Variants in COG3 observed in about 807,000 individuals in gnomAD.
COG3 encodes component of oligomeric golgi complex 3.
Under a neutral mutation model 114.1 loss-of-function variants are expected in COG3, and 32 were observed. The observed-to-expected ratio is 0.28, with a 90% CI of 0.21 to 0.38. The LOEUF is 0.38. Among genes scored for constraint, COG3 ranks in the 10% least tolerant of loss-of-function variants. The probability of loss-of-function intolerance (pLI) is 1.00; values close to 1 mark genes in which losing one functional copy is unlikely to be tolerated. For missense variants in COG3, 813 were observed against 973.2 expected, an observed-to-expected ratio of 0.84 and a Z score of 2.19; for synonymous variants, 352 against 365.7, an observed-to-expected ratio of 0.96 and a Z score of 0.43.
intron 13 of COG3, among the ~76,000 whole-genome samples, chr13:45,498,725 G>A (rs905740095): frequency 2.0e-5 from 3 of 147,178 alleles, no homozygotes; most frequent in Non-Finnish European, 4.5e-5. Context: ...CAGACTGTCT[G>A]GATTACAGTT....
chr13:45,514,618 CTTA>C (rs1233714679), intron 16 of COG3, among the ~76,000 whole-genome samples: 2 of 151,930 alleles, frequency 1.3e-5, no homozygotes, highest in Non-Finnish European at 2.9e-5. Context: ...TAGACACTAG[CTTA>C]TTATTTTCAT....
Position 45,471,727 on chromosome 13 carries a change from GT to G in COG3, c.175-4464del, listed in dbSNP as rs397953138. ...CTGGTAATGAATTCTCTCAGCTTTTGTTTTTTTTTTGGTCTTTTTTTTGAGA... is the reference window on the plus strand; with the variant it reads ...CTGGTAATGAATTCTCTCAGCTTTTGTTTTTTTTTGGTCTTTTTTTTGAGA... On this transcript the variant is annotated intron_variant, in intron 1 of 22. Coordinates refer to ENST00000349995, the MANE Select transcript of COG3 (RefSeq NM_031431.4). Among the ~76,000 whole-genome samples, 518 of 148,022 alleles carry G rather than the reference GT, an allele frequency of 3.5e-3. 5 individuals are homozygous for G. The highest frequency in any genetic ancestry group is 0.013 in the African/African-American group (506 of 40,432).
chr13:45,479,141 G>A (rs1264120293), intron 3 of COG3, 75 bp downstream of exon 3: 2 of 1,058,694 alleles, frequency 1.9e-6, no homozygotes, highest in Non-Finnish European at 2.8e-6. Flanking sequence ...CATAATCAGT[G>A]TCTTTAAATA....
At chr13:45,492,665 C>G (rs551408628) in intron 11 of COG3, among the ~76,000 whole-genome samples, 1 of 152,092 alleles carries the variant, frequency 6.6e-6, no homozygotes, top group Non-Finnish European at 1.5e-5. Context: ...TCTTTCAGAT[C>G]CACTGTTAGT....
intron 1 of COG3, among the ~76,000 whole-genome samples, chr13:45,470,258 A>G (rs1045043165): frequency 6.6e-6 from 1 of 152,200 alleles, no homozygotes; most frequent in African/African-American, 2.4e-5. Context: ...GAAACTAGTA[A>G]CATTGATAGC....
In COG3 at chr13:45,499,666, A is replaced by G. The variant is rs569119565; in HGVS notation, c.1488+3354A>G. Among the ~76,000 whole-genome samples, 132 of 152,310 alleles carry G rather than the reference A, an allele frequency of 8.7e-4. 1 individual carries two copies. Among genetic ancestry groups the G allele is most frequent in the African/African-American group, 3.1e-3 (128 of 41,568 alleles). On this transcript the variant is annotated intron_variant, in intron 13 of 22. Transcript: ENST00000349995. ...CTTAATGCTGGTAGTCATATGAGAG[A>G]CAGTGGCTGTTGTAATTTATTTAAC... is the stretch of plus-strand genomic sequence containing the variant.
intron 13 of COG3, among the ~76,000 whole-genome samples, chr13:45,500,557 G>A (rs1054665667): frequency 2.0e-5 from 3 of 152,270 alleles, no homozygotes; most frequent in East Asian, 3.9e-4. Flanking sequence ...AGTAGACTTT[G>A]TATTGTAAGA....
chr13:45,520,291 A>AT (rs1566270198), intron 19 of COG3, among the ~76,000 whole-genome samples: 2 of 82,956 alleles, frequency 2.4e-5, no homozygotes, highest in East Asian at 6.1e-4. Context: ...GTCTCAAAAA[A>AT]AAAATAAAAA....
intron 13 of COG3, among the ~76,000 whole-genome samples, chr13:45,499,462 A>C (rs535415636): frequency 4.0e-4 from 61 of 152,366 alleles, no homozygotes; most frequent in Non-Finnish European, 8.1e-4. Flanking sequence ...TGCCCATGTA[A>C]GTTTGCCATT....
intron 13 of COG3, among the ~76,000 whole-genome samples, chr13:45,500,094 G>GTGTGTGTGTATATA (rs1321310200): frequency 8.7e-6 from 1 of 114,840 alleles, no homozygotes; most frequent in African/African-American, 3.5e-5. Context: ...GTGTGTGTGT[G>GTGTGTGTGTATATA]TATATATATA....
intron 12 of COG3, chr13:45,493,712 TA>T (rs1887155609): frequency 3.2e-6 from 1 of 314,644 alleles, no homozygotes; most frequent in Admixed American, 4.5e-5. Flanking sequence ...AGTAATAAAA[TA>T]ATTATAGTCA....
chr13:45,503,297 A>G lies in COG3; in HGVS notation c.1542A>G (p.Ser514=). 6.2e-7 allele frequency: 1 copy of G among 1,608,888 alleles called. No homozygotes were observed. The highest frequency in any genetic ancestry group is 1.1e-5 in the South Asian group (1 of 90,940). Residue 514 remains serine (S), a synonymous_variant, in exon 14 of 23, where the codon TCA becomes TCG. Transcript: ENST00000349995. ...AGAAGAAGGTACCTTCAGAAGCTTC[A>G]TTTTCAGATGTTCACTTAGAAGAAG... The part of the protein sequence containing the change: ...DEQKKVPSEA[S]FSDVHLEEGE...
At chr13:45,493,132 T>C (rs892103892) in intron 11 of COG3, among the ~76,000 whole-genome samples, 10 of 152,206 alleles carry the variant, frequency 6.6e-5, no homozygotes, top group African/African-American at 2.2e-4. Flanking sequence ...TTGAATTGAC[T>C]GCTGTGGATT....
At chr13:45,533,329 A>G (rs1873334402) in intron 22 of COG3, among the ~76,000 whole-genome samples, 1 of 152,098 alleles carries the variant, frequency 6.6e-6, no homozygotes, top group South Asian at 2.1e-4. Flanking sequence ...TTAGTTTGTT[A>G]TAAATTCAAA....
At chr13:45,520,273 G>C (rs1476899395) in intron 19 of COG3, among the ~76,000 whole-genome samples, 1 of 139,458 alleles carries the variant, frequency 7.2e-6, no homozygotes, top group Non-Finnish European at 1.5e-5. Context: ...GGGTGACAGA[G>C]TGAGACTGTC....
intron 12 of COG3, among the ~76,000 whole-genome samples, chr13:45,495,413 T>G (rs1868647096): frequency 6.6e-6 from 1 of 152,176 alleles, no homozygotes; most frequent in Non-Finnish European, 1.5e-5. Flanking sequence ...GGTCTTACTC[T>G]ATTGCCCAGG....
chr13:45,481,022 A>AT (rs1175071234), intron 4 of COG3, among the ~76,000 whole-genome samples: 2 of 152,200 alleles, frequency 1.3e-5, no homozygotes, highest in African/African-American at 4.8e-5. Context: ...AAATGCGATC[A>AT]TTTACTATTT....
At chr13:45,509,382 C>G (rs1870607852) in intron 14 of COG3, among the ~76,000 whole-genome samples, 1 of 152,188 alleles carries the variant, frequency 6.6e-6, no homozygotes, top group Non-Finnish European at 1.5e-5. Flanking sequence ...TGTGATTATG[C>G]TTTTCCTATG....
In COG3 at chr13:45,534,791, T is replaced by C. The variant is rs1212465076; in HGVS notation, c.*60T>C. Reference sequence around the variant, plus strand: ...CTGGGAGGAGCAGGCTGAGAAGTCTTGCAGTCTGCAGGACACCGAGGAATC... The same window carrying C: ...CTGGGAGGAGCAGGCTGAGAAGTCTCGCAGTCTGCAGGACACCGAGGAATC... On this transcript the variant is annotated 3_prime_UTR_variant, in exon 23 of 23. Coordinates refer to ENST00000349995, the MANE Select transcript of COG3 (RefSeq NM_031431.4). 6.5e-7 allele frequency: 1 copy of C among 1,526,846 alleles called. No individual in the cohort carries two copies. Among genetic ancestry groups the C allele is most frequent in the South Asian group, 1.3e-5 (1 of 79,594 alleles). 94.6% of individuals were successfully genotyped at this position (1,526,846 alleles called of 1,614,324 possible).
Sources: allele counts gnomAD v4.1 joint callset (sites outside exome capture counted in the v4.1 genomes callset), GRCh38; gene constraint gnomAD v4.1.1; transcripts MANE v1.5; gene names NCBI Gene and HGNC (gene_info 2026-07-23, HGNC 2026-07-21).